Variants in C12orf60 observed in about 807,000 individuals in gnomAD.
C12orf60 encodes uncharacterized protein C12orf60.
For missense variants in C12orf60, 284 were observed against 283.2 expected, an observed-to-expected ratio of 1.00 and a Z score of -0.02; for synonymous variants, 102 against 94.6, an observed-to-expected ratio of 1.08 and a Z score of -0.45.
intron 1 of C12orf60, among the ~76,000 whole-genome samples, chr12:14,818,754 G>A (rs1488968207): frequency 6.6e-6 from 1 of 152,184 alleles, no homozygotes; most frequent in Non-Finnish European, 1.5e-5. Context: ...CTGCACGCCA[G>A]CCTGGTGACA....
chr12:14,808,837 A>G (rs991377907), intron 1 of C12orf60, among the ~76,000 whole-genome samples: 4 of 152,234 alleles, frequency 2.6e-5, no homozygotes, highest in African/African-American at 7.2e-5. Flanking sequence ...CCACAAAACA[A>G]TACTTAGAAA....
chr12:14,810,585 G>A (rs985861971), intron 1 of C12orf60, among the ~76,000 whole-genome samples: 5 of 152,042 alleles, frequency 3.3e-5, no homozygotes, highest in East Asian at 1.9e-4. Context: ...GTAATATGTC[G>A]TACAAAATTA....
At chr12:14,822,728 C>G (rs920706764) in intron 1 of C12orf60, among the ~76,000 whole-genome samples, 184 bp from the exon 2 acceptor site, 3 of 152,106 alleles carry the variant, frequency 2.0e-5, no homozygotes, top group Non-Finnish European at 4.4e-5. Context: ...CCTATTCTAC[C>G]CTGTTTTAAT....
At chr12:14,814,968 C>T (rs1950194149) in intron 1 of C12orf60, among the ~76,000 whole-genome samples, 1 of 152,108 alleles carries the variant, frequency 6.6e-6, no homozygotes, top group African/African-American at 2.4e-5. Context: ...CTGAGTTTTC[C>T]CATTGGTGTA....
intron 1 of C12orf60, among the ~76,000 whole-genome samples, chr12:14,820,119 G>C (rs946747154): frequency 6.6e-6 from 1 of 151,810 alleles, no homozygotes; most frequent in African/African-American, 2.4e-5. Flanking sequence ...AAGGGAATAG[G>C]CCTATTATAT....
At chr12:14,810,171 G>A (rs1465065598) in intron 1 of C12orf60, among the ~76,000 whole-genome samples, 1 of 152,130 alleles carries the variant, frequency 6.6e-6, no homozygotes, top group Non-Finnish European at 1.5e-5. Context: ...CCTTGGGTGG[G>A]GAGTGGGGAG....
chr12:14,803,680 A>G lies in C12orf60; in HGVS notation c.-96A>G, dbSNP rs1055065823. 3 of 392,582 alleles carry G rather than the reference A, an allele frequency of 7.6e-6. No homozygotes were observed. The highest frequency in any genetic ancestry group is 4.5e-6 in the Non-Finnish European group (1 of 222,894). 24.3% of individuals were successfully genotyped at this position (392,582 alleles called of 1,614,324 possible). On this transcript the variant is annotated 5_prime_UTR_variant, in exon 1 of 2. In the 5' UTR this introduces an upstream ATG that the reference lacks. Transcript: ENST00000330828. ...AGTACAATAGGAATTAGAAGAAGAT[A>G]GCTGCTAACTGAGTGGCTGACGGTC...
intron 1 of C12orf60, among the ~76,000 whole-genome samples, chr12:14,814,504 G>C (rs754471309): frequency 6.6e-6 from 1 of 152,014 alleles, no homozygotes; most frequent in Non-Finnish European, 1.5e-5. Flanking sequence ...TCAGATTTTG[G>C]GGTTTTATCT....
intron 1 of C12orf60, chr12:14,806,621 A>T: frequency 6.2e-7 from 1 of 1,613,528 alleles, no homozygotes; most frequent in Non-Finnish European, 8.5e-7. Context: ...GCTGGTGAAG[A>T]CGATTTACTT....
intron 1 of C12orf60, chr12:14,805,726 G>A (rs1264443734): frequency 2.1e-5 from 8 of 372,830 alleles, no homozygotes; most frequent in Non-Finnish European, 3.4e-5. Context: ...CTCTACGATA[G>A]CATTTACCCC....
chr12:14,803,961 A>G (rs549553379), intron 1 of C12orf60, among the ~76,000 whole-genome samples: 2 of 152,278 alleles, frequency 1.3e-5, no homozygotes, highest in East Asian at 3.9e-4. Context: ...AGGTTATCCC[A>G]TGTGAGCGCC....
intron 1 of C12orf60, chr12:14,806,674 G>A (rs1205665474): frequency 6.3e-7 from 1 of 1,577,186 alleles, no homozygotes; most frequent in East Asian, 2.2e-5. Context: ...AAGTCACTTT[G>A]GGCCATATTT....
intron 1 of C12orf60, among the ~76,000 whole-genome samples, chr12:14,811,226 T>C (rs1468348567): frequency 6.6e-6 from 1 of 152,222 alleles, no homozygotes; most frequent in African/African-American, 2.4e-5. Context: ...TTGAATATTT[T>C]CTTGTAGTTA....
At chr12:14,805,275 A>G (rs1332074168) in intron 1 of C12orf60, 1 of 152,214 alleles carries the variant, frequency 6.6e-6, no homozygotes, top group Non-Finnish European at 1.5e-5. Context: ...TGTCTTCTAA[A>G]TGTTTCAGTG....
intron 1 of C12orf60, among the ~76,000 whole-genome samples, chr12:14,811,721 A>G (rs1232647565): frequency 2.6e-5 from 4 of 152,234 alleles, no homozygotes; most frequent in Admixed American, 1.3e-4. Flanking sequence ...CAGAAAAGGA[A>G]CTACCTTACA....
intron 1 of C12orf60, among the ~76,000 whole-genome samples, chr12:14,819,474 G>C (rs1950273410): frequency 6.6e-6 from 1 of 152,064 alleles, no homozygotes; most frequent in African/African-American, 2.4e-5. Flanking sequence ...TAGAGAGGTA[G>C]TTTTATCTCT....
chr12:14,808,641 G>A (rs1452989063), intron 1 of C12orf60, among the ~76,000 whole-genome samples: 1 of 152,116 alleles, frequency 6.6e-6, no homozygotes, highest in Non-Finnish European at 1.5e-5. Flanking sequence ...CAACGGAAAA[G>A]AGAAAATTTT....
intron 1 of C12orf60, chr12:14,805,218 C>T (rs1005723007): frequency 6.6e-6 from 1 of 152,196 alleles, no homozygotes; most frequent in Non-Finnish European, 1.5e-5. Flanking sequence ...TAGTGACCTT[C>T]TATTCTGCAT....
At chr12:14,807,868 G>GTAT (rs1950077389) in intron 1 of C12orf60, among the ~76,000 whole-genome samples, 1 of 152,112 alleles carries the variant, frequency 6.6e-6, no homozygotes, top group African/African-American at 2.4e-5. Context: ...TTTTACAAAA[G>GTAT]TATTAAAGAA....
Sources: allele counts gnomAD v4.1 joint callset (sites outside exome capture counted in the v4.1 genomes callset), GRCh38; gene constraint gnomAD v4.1.1; transcripts MANE v1.5; gene names NCBI Gene and HGNC (gene_info 2026-07-23, HGNC 2026-07-21).